The following ZNF718 variants were observed in gnomAD, a reference collection of about 807,000 sequenced individuals.
The protein encoded by ZNF718 is zinc finger protein 718.
A neutral mutation model predicts 2.6 loss-of-function variants in ZNF718; 3 were observed. The observed-to-expected ratio is 1.16, with a 90% CI of 0.53 to 3.01. ZNF718 has a LOEUF of 3.01. ZNF718 is among the 30% of genes most tolerant of loss of function. The probability of loss-of-function intolerance (pLI) is 0.03; values close to 1 mark genes in which losing one functional copy is unlikely to be tolerated. For missense variants in ZNF718, 468 were observed against 230.0 expected (o/e 2.03, Z -6.69); for synonymous variants, 135 against 77.9 (o/e 1.73, Z -3.86).
chr4:186,274 T>C (rs1171358042), intron 3 of ZNF718, among the ~76,000 whole-genome samples: 3 of 152,218 alleles, frequency 2.0e-5, no homozygotes, highest in African/African-American at 7.2e-5. Context: ...AATTCTGGGT[T>C]GGAATTTCTT....
intron 3 of ZNF718, among the ~76,000 whole-genome samples, chr4:156,864 C>T (rs1384850643): frequency 6.6e-6 from 1 of 151,994 alleles, no homozygotes; most frequent in Non-Finnish European, 1.5e-5. Flanking sequence ...GCATTACTTT[C>T]GTTTATTTGC....
chr4:130,741 T>TA (rs1230301067), intron 1 of ZNF718, 47 bp from the exon 2 acceptor site: 8,739 of 221,194 alleles, frequency 0.04, 10 homozygotes, highest in East Asian at 0.047. Context: ...GACTCCGTAT[T>TA]AAAAAAAAAA....
intron 3 of ZNF718, among the ~76,000 whole-genome samples, chr4:142,818 A>C (rs1715871211): frequency 6.6e-6 from 1 of 152,254 alleles, no homozygotes; most frequent in South Asian, 2.1e-4. Flanking sequence ...TGCTTAGTTA[A>C]GTAAGTAAAC....
chr4:168,879 T>C (rs1260087388), downstream of ZNF718, among the ~76,000 whole-genome samples: 1 of 152,244 alleles, frequency 6.6e-6, no homozygotes, highest in Admixed American at 6.5e-5. Flanking sequence ...CTTAGTTATT[T>C]CTTGCCTTCT....
At chr4:164,418 T>C (rs1717038526), downstream of ZNF718, among the ~76,000 whole-genome samples, 1 of 152,068 alleles carries the variant, frequency 6.6e-6, no homozygotes, top group African/African-American at 2.4e-5. Context: ...TGGAATCAAA[T>C]CTACACTATA....
At position 158,457 on chromosome 4, in the gene ZNF718, T is replaced by C. The variant is rs189253963; in HGVS notation, c.227-2455T>C. 3.0e-3 allele frequency among the ~76,000 whole-genome samples: 443 copies of C among 147,460 alleles called. 3 individuals carry two copies. Among genetic ancestry groups the C allele is most frequent in the Non-Finnish European group, 5.2e-3 (347 of 66,764 alleles). The stretch of plus-strand genomic sequence containing the variant: ...ATCTTTGTCCCTTATTTTCTGTCTT[T>C]GTGTCTTTTTGATTTTTGTATTGAT... On this transcript the variant is annotated intron_variant, in intron 3 of 3. Transcript: ENST00000510175.
chr4:181,365 T>G (rs369775031), intron 3 of ZNF718, among the ~76,000 whole-genome samples: 1 of 151,828 alleles, frequency 6.6e-6, no homozygotes, highest in Non-Finnish European at 1.5e-5. Flanking sequence ...TTTTGCCTAA[T>G]CCAACATTAT....
At chr4:195,471 C>G (rs1305849759) in intron 3 of ZNF718, among the ~76,000 whole-genome samples, 1 of 152,132 alleles carries the variant, frequency 6.6e-6, no homozygotes, top group Non-Finnish European at 1.5e-5. Flanking sequence ...TTTAAATCCC[C>G]TGTTAGGAAA....
rs141804639 is a variant in ZNF718, at chr4:196,572, G to A, written c.227-4509G>A. On this transcript the variant is annotated intron_variant and NMD_transcript_variant, in intron 3 of 4. Coordinates refer to the ZNF718 transcript ENST00000642529. ...GTCAGGACCCAGGAGGTATGGGTCA[G>A]AAGGAAAGGTAGGGGTGCATGCATA... Among the ~76,000 whole-genome samples, 34 of 152,328 alleles carry A rather than the reference G, an allele frequency of 2.2e-4. No homozygotes were observed. The East Asian group carries it at 2.3e-3, about 10-fold the overall frequency.
At chr4:147,003 C>G (rs1716095959) in intron 3 of ZNF718, among the ~76,000 whole-genome samples, 1 of 152,156 alleles carries the variant, frequency 6.6e-6, no homozygotes, top group Non-Finnish European at 1.5e-5. Context: ...CAGAGTCTCA[C>G]TCTGTTGCTC....
intron 3 of ZNF718, among the ~76,000 whole-genome samples, chr4:138,218 A>C (rs1217507501): frequency 6.6e-6 from 1 of 152,198 alleles, no homozygotes; most frequent in Admixed American, 6.5e-5. Context: ...GTGTACTAGC[A>C]ACTGCTACAT....
At chr4:177,496 C>T (rs1717372629) in intron 3 of ZNF718, among the ~76,000 whole-genome samples, 1 of 152,098 alleles carries the variant, frequency 6.6e-6, no homozygotes, top group Non-Finnish European at 1.5e-5. Flanking sequence ...GGTCCCAGAC[C>T]TCATGACATC....
chr4:175,823 C>T (rs912301359), intron 3 of ZNF718, among the ~76,000 whole-genome samples: 3 of 146,082 alleles, frequency 2.1e-5, no homozygotes, highest in African/African-American at 5.0e-5. Flanking sequence ...ATAGTGGTCT[C>T]TATCTCTAAT....
rs782644674 is a variant in ZNF718 at position 162,159 on chromosome 4, A to T, written c.*37A>T. The stretch of plus-strand genomic sequence containing the variant: ...ATGTGGGAGCCTTTAAGTCTTCCTC[A>T]GTCTTTTCTAATCATAATTCATACT... On this transcript the variant is annotated 3_prime_UTR_variant, in exon 4 of 4. Coordinates refer to ENST00000510175, the MANE Select transcript of ZNF718 (RefSeq NM_001039127.6). The T allele has an allele frequency of 3.0e-6, 2 of 658,188 alleles. No homozygotes were observed. The highest frequency in any genetic ancestry group is 5.5e-6 in the Non-Finnish European group (2 of 360,902). The allele number at this position is 658,188 out of a possible 1,614,324, so 40.8% of individuals were successfully genotyped here. A position where few individuals can be genotyped will look rare whatever the true frequency, so the allele number is the denominator to read the frequency against.
rs182394033 is a variant in ZNF718, at chr4:127,060, A to G, written c.3+2387A>G. Among the ~76,000 whole-genome samples the G allele has an allele frequency of 2.3e-3, 349 of 152,232 alleles. 2 individuals carry two copies. Among genetic ancestry groups the G allele is most frequent in the South Asian group, 5.8e-3 (28 of 4,820 alleles). On this transcript the variant is annotated intron_variant, in intron 1 of 3. Transcript: ENST00000510175. ...AGGATGGTCTCCATCTTCTGACCTC[A>G]TGATCCACCGGCCTTGGCCTCCCAA...
chr4:200,712 G>C (rs1387588177), intron 3 of ZNF718, among the ~76,000 whole-genome samples: 2 of 152,120 alleles, frequency 1.3e-5, no homozygotes, highest in African/African-American at 4.8e-5. Flanking sequence ...TAATGCACCA[G>C]GTTTAAAGTT....
intron 3 of ZNF718, among the ~76,000 whole-genome samples, chr4:187,964 G>A (rs1717601502): frequency 6.6e-6 from 1 of 152,178 alleles, no homozygotes; most frequent in African/African-American, 2.4e-5. Flanking sequence ...GCCCTGGCTG[G>A]GAGTACCTGC....
chr4:200,566 T>C (rs1469310757), intron 3 of ZNF718, among the ~76,000 whole-genome samples: 4 of 152,202 alleles, frequency 2.6e-5, no homozygotes, highest in South Asian at 2.1e-4. Context: ...CGTGCCTGGC[T>C]GGTTTTTTGT....
intron 3 of ZNF718, among the ~76,000 whole-genome samples, chr4:176,171 G>A (rs1717342477): frequency 6.6e-6 from 1 of 152,060 alleles, no homozygotes; most frequent in African/African-American, 2.4e-5. Flanking sequence ...ACTAATGTCT[G>A]CCAATTCCTC....
Sources: allele counts gnomAD v4.1 joint callset (sites outside exome capture counted in the v4.1 genomes callset), GRCh38; gene constraint gnomAD v4.1.1; transcripts MANE v1.5; gene names NCBI Gene and HGNC (gene_info 2026-07-23, HGNC 2026-07-21).